UBE2K: variants seen among roughly 807,000 people sequenced by gnomAD.
UBE2K encodes ubiquitin conjugating enzyme E2 K.
Under a neutral mutation model 30.0 loss-of-function variants are expected in UBE2K, and 6 were observed. The observed-to-expected ratio is 0.20, with a 90% CI of 0.11 to 0.39. The LOEUF is 0.39. Among genes scored for constraint, UBE2K ranks in the 10% least tolerant of loss-of-function variants. The pLI, the probability that UBE2K is intolerant of heterozygous loss-of-function variation, is 1.00. For missense variants in UBE2K, 61 were observed against 241.6 expected (o/e 0.25, Z 4.96); for synonymous variants, 86 against 83.7 (o/e 1.03, Z -0.15).
intron 4 of UBE2K, among the ~76,000 whole-genome samples, chr4:39,765,931 A>ACATG (rs1491161929): frequency 6.6e-6 from 1 of 151,990 alleles, no homozygotes; most frequent in African/African-American, 2.4e-5. Context: ...ATACATACAT[A>ACATG]CATACATACA....
At chr4:39,752,986 C>T (rs1045436315) in intron 3 of UBE2K, among the ~76,000 whole-genome samples, 11 of 152,120 alleles carry the variant, frequency 7.2e-5, no homozygotes, top group African/African-American at 2.7e-4. Flanking sequence ...CACCACTCCA[C>T]TCCAGCCTGG....
chr4:39,764,569 A>G (rs564566129), intron 4 of UBE2K, among the ~76,000 whole-genome samples: 72 of 151,950 alleles, frequency 4.7e-4, no homozygotes, highest in African/African-American at 1.7e-3. Flanking sequence ...ACCTCAGCTT[A>G]TCACAGGTGC....
intron 4 of UBE2K, chr4:39,771,411 G>A: frequency 1.2e-6 from 2 of 1,610,092 alleles, no homozygotes; most frequent in Non-Finnish European, 1.7e-6. Context: ...GCAGCTGGAA[G>A]CGCAGGACTT....
chr4:39,714,550 A>ATAT, intron 1 of UBE2K: 6 of 17,856 alleles, frequency 3.4e-4, no homozygotes, highest in Admixed American at 1.6e-3. Context: ...ATATATATAT[A>ATAT]TTTTTTTTTT....
intron 1 of UBE2K, among the ~76,000 whole-genome samples, chr4:39,715,383 G>A (rs995561224): frequency 6.6e-6 from 1 of 151,842 alleles, no homozygotes; most frequent in Admixed American, 6.6e-5. Flanking sequence ...TGTTACCCAG[G>A]CTGATCTTGA....
chr4:39,706,217 C>T (rs944271894), intron 1 of UBE2K, among the ~76,000 whole-genome samples: 2 of 151,868 alleles, frequency 1.3e-5, no homozygotes, highest in Admixed American at 6.6e-5. Context: ...GGGGTTTCAC[C>T]GTGTTAGTCA....
At chr4:39,728,827 G>GTTTTT (rs372834149) in intron 1 of UBE2K, among the ~76,000 whole-genome samples, 8 of 128,660 alleles carry the variant, frequency 6.2e-5, no homozygotes, top group East Asian at 2.1e-4. Context: ...TGTTTTTTTT[G>GTTTTT]TTTTTTTTTT....
At chr4:39,736,637 C>T (rs1720397464) in intron 1 of UBE2K, among the ~76,000 whole-genome samples, 1 of 152,164 alleles carries the variant, frequency 6.6e-6, no homozygotes, top group Non-Finnish European at 1.5e-5. Context: ...TTAAGGTTAT[C>T]ATGGCTCTGA....
chr4:39,762,936 CTTTTTTTTTTTTTT>C (rs869207095), intron 4 of UBE2K, among the ~76,000 whole-genome samples: 6 of 78,652 alleles, frequency 7.6e-5, no homozygotes, highest in African/African-American at 9.6e-5. Flanking sequence ...CCAAAAAACA[CTTTTTTTTTTTTTT>C]TTTTTTTTTT....
chr4:39,704,523 G>C (rs1718219130), intron 1 of UBE2K, among the ~76,000 whole-genome samples: 1 of 151,868 alleles, frequency 6.6e-6, no homozygotes. Context: ...ACACATCTGG[G>C]CTCCCTAGCT....
intron 4 of UBE2K, chr4:39,770,803 C>G (rs1712749122): frequency 1.1e-5 from 17 of 1,558,726 alleles, no homozygotes; most frequent in Non-Finnish European, 1.4e-5. Flanking sequence ...AGGGCCGACT[C>G]CACCTTGACG....
Position 39,698,244 on chromosome 4 carries a change from G to C in UBE2K, c.-84G>C. 1 of 1,336,182 alleles carries C rather than the reference G, an allele frequency of 7.5e-7. No individual in the cohort carries two copies. Among genetic ancestry groups the C allele is most frequent in the Non-Finnish European group, 1.1e-6 (1 of 945,080 alleles). The allele number at this position is 1,336,182 out of a possible 1,614,324, so 82.8% of individuals were successfully genotyped here. A position where few individuals can be genotyped will look rare whatever the true frequency, so the allele number is the denominator to read the frequency against. ...TCAGGTCTGAATCGCCGAGGGAGGA[G>C]GCGGTGGAGGAAGAGGTGGCGGCGG... is the stretch of plus-strand genomic sequence containing the variant. On this transcript the variant is annotated 5_prime_UTR_variant, in exon 1 of 7. Coordinates refer to ENST00000261427, the MANE Select transcript of UBE2K (RefSeq NM_005339.5).
intron 1 of UBE2K, among the ~76,000 whole-genome samples, chr4:39,736,268 C>G (rs1720374796): frequency 6.6e-6 from 1 of 152,140 alleles, no homozygotes; most frequent in South Asian, 2.1e-4. Context: ...CGAGACAAGC[C>G]TGGCCAACGT....
chr4:39,702,666 G>T (rs1718103115), intron 1 of UBE2K, among the ~76,000 whole-genome samples: 2 of 152,004 alleles, frequency 1.3e-5, no homozygotes, highest in Admixed American at 6.6e-5. Context: ...ATAGATTTTT[G>T]TGTCTATTTT....
At chr4:39,771,431 G>A in intron 4 of UBE2K, 2 of 1,594,096 alleles carry the variant, frequency 1.3e-6, no homozygotes, top group South Asian at 1.1e-5. Context: ...TCACCCCAGA[G>A]GCCATTGTGG....
At chr4:39,770,002 C>T (rs926302058) in intron 4 of UBE2K, 3 of 1,177,146 alleles carry the variant, frequency 2.5e-6, no homozygotes, top group African/African-American at 3.1e-5. Flanking sequence ...ACCCCCCACC[C>T]ACCAATTCTC....
intron 4 of UBE2K, chr4:39,770,013 C>G: frequency 7.5e-7 from 1 of 1,330,760 alleles, no homozygotes; most frequent in African/African-American, 1.5e-5. Context: ...ACCAATTCTC[C>G]TGGGCCAAAG....
chr4:39,771,175 C>T (rs745356592), intron 4 of UBE2K: 195 of 1,612,970 alleles, frequency 1.2e-4, no homozygotes, highest in Non-Finnish European at 1.6e-4. Flanking sequence ...GCCCGTGTAG[C>T]AGGAGAGAAG....
chr4:39,771,415 A>G (rs1712823903), intron 4 of UBE2K: 1 of 1,609,314 alleles, frequency 6.2e-7, no homozygotes, highest in Non-Finnish European at 8.5e-7. Context: ...CTGGAAGCGC[A>G]GGACTTCACC....
Sources: allele counts gnomAD v4.1 joint callset (sites outside exome capture counted in the v4.1 genomes callset), GRCh38; gene constraint gnomAD v4.1.1; transcripts MANE v1.5; gene names NCBI Gene and HGNC (gene_info 2026-07-23, HGNC 2026-07-21).